TBC1D19: variants seen among roughly 807,000 people sequenced by gnomAD.
The protein encoded by TBC1D19 is TBC1 domain family, member 19.
TBC1D19 carries 60 observed loss-of-function variants against 89.0 expected under a neutral mutation model. The ratio of observed to expected loss-of-function variants is 0.67; its 90% CI spans 0.55 to 0.84. TBC1D19 has a LOEUF of 0.84. Ranked by LOEUF, TBC1D19 falls within the 40% of genes least tolerant of loss-of-function variation. The pLI is 0.00. For synonymous variants in TBC1D19, 189 were observed against 199.7 expected (o/e 0.95, Z 0.45); for missense variants, 500 against 610.8 (o/e 0.82, Z 1.91).
rs920140567 is a variant in TBC1D19, at chr4:26,755,617, G to A, written c.*670G>A. On this transcript the variant is annotated 3_prime_UTR_variant, in exon 21 of 21. Coordinates refer to ENST00000264866, the MANE Select transcript of TBC1D19 (RefSeq NM_018317.4). ...CTCTCTGAAAGTCAGAAAATTATAG[G>A]TGATCCCTTTTCACTTCTCAACCTT... is the stretch of plus-strand genomic sequence containing the variant. Among the ~76,000 whole-genome samples the A allele has an allele frequency of 6.6e-6, 1 of 152,122 alleles. No individual in the cohort carries two copies. The highest frequency in any genetic ancestry group is 1.5e-5 in the Non-Finnish European group (1 of 68,018).
intron 1 of TBC1D19, among the ~76,000 whole-genome samples, chr4:26,584,586 T>G (rs1022222723): frequency 6.6e-6 from 1 of 152,088 alleles, no homozygotes; most frequent in Non-Finnish European, 1.5e-5. Flanking sequence ...GAGAAACGCT[T>G]ACTCATTTAT....
At chr4:26,824,272 C>T in the TBC1D19 span, among the ~76,000 whole-genome samples, 1 of 152,210 alleles carries the variant, frequency 6.6e-6, no homozygotes, top group Non-Finnish European at 1.5e-5. Flanking sequence ...AGGCCTGAAT[C>T]CAGCCATGCC....
chr4:26,583,899 G>A, upstream of TBC1D19: 1 of 392,170 alleles, frequency 2.5e-6, no homozygotes, highest in Non-Finnish European at 4.7e-6. Flanking sequence ...GGCTCTGAAA[G>A]AATGAGCTTT....
At chr4:26,643,343 A>C (rs893295468) in intron 7 of TBC1D19, among the ~76,000 whole-genome samples, 1 of 152,218 alleles carries the variant, frequency 6.6e-6, no homozygotes, top group Admixed American at 6.5e-5. Flanking sequence ...TACATAACGA[A>C]ATGAAGGCAG....
intron 19 of TBC1D19, among the ~76,000 whole-genome samples, chr4:26,751,018 A>G (rs1718921175): frequency 6.6e-6 from 1 of 152,228 alleles, no homozygotes; most frequent in African/African-American, 2.4e-5. Flanking sequence ...GCTTAGAATT[A>G]AAGTAATAAG....
intron 15 of TBC1D19, among the ~76,000 whole-genome samples, chr4:26,727,540 G>A (rs1195874811): frequency 6.6e-6 from 1 of 152,196 alleles, no homozygotes; most frequent in Non-Finnish European, 1.5e-5. Flanking sequence ...GCTATGGACT[G>A]AACACCACAC....
At chr4:26,767,458 C>T in the TBC1D19 span, among the ~76,000 whole-genome samples, 4 of 152,262 alleles carry the variant, frequency 2.6e-5, no homozygotes, top group South Asian at 8.3e-4. Context: ...AAGCCCTAAC[C>T]TCCAATGTGA....
chr4:26,780,090 A>G, the TBC1D19 span, among the ~76,000 whole-genome samples: 19 of 152,248 alleles, frequency 1.2e-4, no homozygotes, highest in Admixed American at 3.9e-4. Context: ...CTGGGCCAAA[A>G]GTTAACCTCT....
Position 26,659,587 on chromosome 4 carries a change from G to A in TBC1D19, c.481-10G>A. 1 of 1,554,478 alleles carries A rather than the reference G, an allele frequency of 6.4e-7. No individual in the cohort carries two copies. Among genetic ancestry groups the A allele is most frequent in the Non-Finnish European group, 8.8e-7 (1 of 1,134,428 alleles). On this transcript the variant is annotated splice_polypyrimidine_tract_variant and intron_variant, in intron 7 of 20. Coordinates refer to ENST00000264866, the MANE Select transcript of TBC1D19 (RefSeq NM_018317.4). The stretch of plus-strand genomic sequence containing the variant: ...GAAACTAACCAATTTTGTTGGATTT[G>A]TTTTTAAAGGTATTAATTAATCTTC...
At chr4:26,686,128 T>TTA in intron 12 of TBC1D19, among the ~76,000 whole-genome samples, 1 of 150,502 alleles carries the variant, frequency 6.6e-6, no homozygotes, top group East Asian at 1.9e-4. Context: ...AATGATCATT[T>TTA]AAAAAAAAAA....
intron 7 of TBC1D19, among the ~76,000 whole-genome samples, chr4:26,643,104 C>G (rs1436419723): frequency 6.6e-6 from 1 of 152,132 alleles, no homozygotes; most frequent in Non-Finnish European, 1.5e-5. Context: ...AACCCTCCAC[C>G]CCAAATCAAC....
intron 18 of TBC1D19, among the ~76,000 whole-genome samples, chr4:26,745,473 T>G (rs375612622): frequency 6.8e-6 from 1 of 146,874 alleles, no homozygotes; most frequent in African/African-American, 2.5e-5. Context: ...TTTTGATAGG[T>G]GCCATGAGGT....
At chr4:26,630,757 T>G (rs1742757899) in intron 4 of TBC1D19, among the ~76,000 whole-genome samples, 1 of 152,072 alleles carries the variant, frequency 6.6e-6, no homozygotes, top group African/African-American at 2.4e-5. Flanking sequence ...TAATATTAAA[T>G]GATCATCTGC....
chr4:26,768,242 T>G, the TBC1D19 span, among the ~76,000 whole-genome samples: 1 of 152,202 alleles, frequency 6.6e-6, no homozygotes, highest in African/African-American at 2.4e-5. Context: ...GGTAGAATAC[T>G]CAAAAGGGTT....
chr4:26,600,543 T>C (rs534691472), intron 1 of TBC1D19, among the ~76,000 whole-genome samples: 37 of 152,258 alleles, frequency 2.4e-4, no homozygotes, highest in African/African-American at 8.4e-4. Flanking sequence ...TAAGACCAAG[T>C]TGAAATAAAA....
intron 9 of TBC1D19, among the ~76,000 whole-genome samples, chr4:26,671,231 A>G (rs946120794): frequency 2.0e-5 from 3 of 151,642 alleles, no homozygotes; most frequent in Non-Finnish European, 4.4e-5. Context: ...CATTTTAGCT[A>G]TTGTGGTGGT....
At chr4:26,695,538 A>G (rs1248309287) in intron 13 of TBC1D19, among the ~76,000 whole-genome samples, 1 of 152,166 alleles carries the variant, frequency 6.6e-6, no homozygotes, top group Non-Finnish European at 1.5e-5. Context: ...GAGAAGAGCA[A>G]CCCCAAGACA....
downstream of TBC1D19, among the ~76,000 whole-genome samples, chr4:26,759,209 C>T (rs1003437076): frequency 6.6e-6 from 1 of 152,134 alleles, no homozygotes; most frequent in Non-Finnish European, 1.5e-5. Flanking sequence ...TCCTTGAGGA[C>T]AAAATTGGAT....
intron 6 of TBC1D19, among the ~76,000 whole-genome samples, chr4:26,639,822 T>C (rs915398805): frequency 6.6e-6 from 1 of 152,204 alleles, no homozygotes; most frequent in Non-Finnish European, 1.5e-5. Flanking sequence ...ATGCATTGTT[T>C]GTATTTTAAG....
Sources: gnomAD v4.1 joint callset for allele counts (sites outside exome capture counted in the v4.1 genomes callset) on GRCh38, gnomAD v4.1.1 for gene constraint, MANE v1.5 for transcripts, NCBI Gene and HGNC (gene_info 2026-07-23, HGNC 2026-07-21) for gene names.